SKA2: variants seen among roughly 807,000 people sequenced by gnomAD.
SKA2 encodes spindle and kinetochore-associated protein 2.
A neutral mutation model predicts 16.9 loss-of-function variants in SKA2; 13 were observed. The ratio of observed to expected loss-of-function variants is 0.77; its 90% CI spans 0.50 to 1.22. The LOEUF is 1.22. SKA2 is among the 50% of genes most tolerant of loss of function. The pLI, the probability that SKA2 is intolerant of heterozygous loss-of-function variation, is 0.00. For synonymous variants in SKA2, 47 were observed against 48.5 expected (o/e 0.97, Z 0.13); for missense variants, 107 against 139.7 (o/e 0.77, Z 1.18).
chr17:59,135,310 CTTTTTTTTTTT>C lies in SKA2; in HGVS notation c.34-3954_34-3944del, dbSNP rs71145527. Among the ~76,000 whole-genome samples the C allele has an allele frequency of 6.8e-4, 86 of 126,126 alleles. 1 individual carries two copies. Among genetic ancestry groups the C allele is most frequent in the Admixed American group, 8.6e-4 (10 of 11,664 alleles). 82.7% of individuals were successfully genotyped at this position (126,126 alleles called of 152,430 possible). A position where few individuals can be genotyped will look rare whatever the true frequency, so the allele number is the denominator to read the frequency against. ...GGTATGATGAAATCAACTAAACTGTCTTTTTTTTTTTTTTTTTTTTTTTTTAGAAGGAGTCT... is the reference window on the plus strand; with the variant it reads ...GGTATGATGAAATCAACTAAACTGTCTTTTTTTTTTTTTTAGAAGGAGTCT... On this transcript the variant is annotated intron_variant, in intron 1 of 3. Transcript: ENST00000330137.
chr17:59,112,461 T>A, intron 3 of SKA2, 116 bp from the exon 4 acceptor site: 1 of 698,778 alleles, frequency 1.4e-6, no homozygotes, highest in Non-Finnish European at 2.3e-6. Flanking sequence ...ACTATGTATG[T>A]AATCACAGAT....
At position 59,110,772 on chromosome 17, in the gene SKA2, G is replaced by C. The variant is rs966496578; in HGVS notation, c.*1505C>G. On this transcript the variant is annotated 3_prime_UTR_variant, in exon 4 of 4. Coordinates refer to ENST00000330137, the MANE Select transcript of SKA2 (RefSeq NM_182620.4). ...CCACTGCATTCCAGCCTGGGCAACA[G>C]AGTGAGACTCCGTCTCAAAAAAAAA... 2 of 125,028 alleles carry C rather than the reference G, an allele frequency of 1.6e-5. No individual in the cohort carries two copies. The highest frequency in any genetic ancestry group is 3.0e-5 in the African/African-American group (1 of 33,000). 7.7% of individuals were successfully genotyped at this position (125,028 alleles called of 1,614,324 possible).
intron 2 of SKA2, among the ~76,000 whole-genome samples, chr17:59,119,758 G>T (rs374475737): frequency 4.6e-5 from 7 of 151,986 alleles, no homozygotes; most frequent in East Asian, 1.9e-4. Context: ...GCAAATAAGG[G>T]TCACCTTAGA....
intron 2 of SKA2, among the ~76,000 whole-genome samples, chr17:59,122,242 G>A (rs932738816): frequency 3.9e-5 from 6 of 152,166 alleles, no homozygotes; most frequent in African/African-American, 7.2e-5. Flanking sequence ...GGGATGCCAA[G>A]GCGGGAGGAT....
chr17:59,125,748 A>G (rs1412947625), intron 2 of SKA2, among the ~76,000 whole-genome samples: 1 of 151,918 alleles, frequency 6.6e-6, no homozygotes, highest in African/African-American at 2.4e-5. Flanking sequence ...AGTGCTGGTG[A>G]TGGGAGAAAA....
rs552149755 is a variant in SKA2 at position 59,132,025 on chromosome 17, T to C, written c.34-658A>G. On this transcript the variant is annotated intron_variant, in intron 1 of 3. Coordinates refer to ENST00000330137, the MANE Select transcript of SKA2 (RefSeq NM_182620.4). ...TACCACCCTGAGGCCATTATGGATATAGGATGCCTGAATTAAAGTGAAAAG... is the reference window on the plus strand; with the variant it reads ...TACCACCCTGAGGCCATTATGGATACAGGATGCCTGAATTAAAGTGAAAAG... Among the ~76,000 whole-genome samples, 127 of 152,266 alleles carry C rather than the reference T, an allele frequency of 8.3e-4. 1 individual carries two copies. Among genetic ancestry groups the C allele is most frequent in the African/African-American group, 3.0e-3 (126 of 41,542 alleles).
At chr17:59,113,327 G>A (rs932866249) in intron 3 of SKA2, among the ~76,000 whole-genome samples, 6 of 151,680 alleles carry the variant, frequency 4.0e-5, no homozygotes, top group Admixed American at 3.3e-4. Context: ...TTTGAGACCA[G>A]CCTGACCAAC....
At chr17:59,148,635 C>G (rs1186268975) in intron 1 of SKA2, among the ~76,000 whole-genome samples, 1 of 151,204 alleles carries the variant, frequency 6.6e-6, no homozygotes, top group Non-Finnish European at 1.5e-5. Context: ...GTTGCCCAGA[C>G]TAGTACAAAA....
chr17:59,113,275 G>A (rs9893506), intron 3 of SKA2, among the ~76,000 whole-genome samples: 45,606 of 151,372 alleles, frequency 0.3, 7,683 homozygotes, highest in Middle Eastern at 0.47. Flanking sequence ...TAATCCCAGC[G>A]CTTCGGGAGG....
Position 59,131,377 on chromosome 17 carries a change from A to G in SKA2, c.34-10T>C, listed in dbSNP as rs2061688079. The G allele has an allele frequency of 3.9e-6, 6 of 1,537,642 alleles. No homozygotes were observed. In the East Asian group the frequency reaches 1.4e-4, roughly 36 times the overall value. ...ACTCAGCTTTCTGGAACTAAAGATC[A>G]GCACAAATCATTATTGTGTAAACCA... On this transcript the variant is annotated splice_polypyrimidine_tract_variant and intron_variant, in intron 1 of 3. Transcript: ENST00000330137.
At chr17:59,126,184 G>GAATAAATAAATA (rs56288903) in intron 2 of SKA2, among the ~76,000 whole-genome samples, 47 of 149,538 alleles carry the variant, frequency 3.1e-4, no homozygotes, top group East Asian at 7.8e-4. Context: ...ATAAATAAAT[G>GAATAAATAAATA]AATAAATAAA....
intron 3 of SKA2, among the ~76,000 whole-genome samples, chr17:59,115,043 C>T (rs939880126): frequency 1.4e-5 from 2 of 147,366 alleles, no homozygotes; most frequent in Non-Finnish European, 1.5e-5. Flanking sequence ...TTCTTTTTTT[C>T]GTTCTTTCTT....
At chr17:59,142,348 T>C (rs2046497193) in intron 1 of SKA2, among the ~76,000 whole-genome samples, 3 of 149,030 alleles carry the variant, frequency 2.0e-5, no homozygotes, top group Non-Finnish European at 4.4e-5. Context: ...TGGAGTGCAA[T>C]GATGTGATCT....
At chr17:59,154,000 G>C (rs1458638797) in intron 1 of SKA2, among the ~76,000 whole-genome samples, 1 of 151,556 alleles carries the variant, frequency 6.6e-6, no homozygotes, top group Non-Finnish European at 1.5e-5. Flanking sequence ...TCAATGTCTT[G>C]ACCTCTTGAT....
chr17:59,119,319 C>G lies in SKA2; in HGVS notation c.297G>C (p.Glu99Asp). Residue 99 changes from glutamate to aspartate, a missense_variant and splice_region_variant, in exon 3 of 4, where the codon GAG (glutamate) becomes GAC (aspartate). Transcript: ENST00000330137. Reference protein sequence around the residue: ...IQKLQKQTDLELSPLTKEEKT... With the variant: ...IQKLQKQTDLDLSPLTKEEKT... ...CTAACCTGTCAACTGAAAGCATTAC[C>G]TCCAGGTCTGTTTGCTTCTGTAGTT... 1 of 1,613,710 alleles carries G rather than the reference C, an allele frequency of 6.2e-7. No individual in the cohort carries two copies. Among genetic ancestry groups the G allele is most frequent in the Non-Finnish European group, 8.5e-7 (1 of 1,179,744 alleles).
At chr17:59,137,348 G>GT (rs926397414) in intron 1 of SKA2, among the ~76,000 whole-genome samples, 1 of 152,062 alleles carries the variant, frequency 6.6e-6, no homozygotes. Flanking sequence ...TAAAATTAAA[G>GT]TTTTTTTATG....
At chr17:59,122,696 G>A (rs1304711525) in intron 2 of SKA2, among the ~76,000 whole-genome samples, 1 of 152,180 alleles carries the variant, frequency 6.6e-6, no homozygotes, top group Non-Finnish European at 1.5e-5. Flanking sequence ...CGGCTAAGCA[G>A]GGAGGATCAC....
At chr17:59,149,118 A>G (rs536352712) in intron 1 of SKA2, among the ~76,000 whole-genome samples, 6 of 152,340 alleles carry the variant, frequency 3.9e-5, no homozygotes, top group African/African-American at 4.8e-5. Flanking sequence ...GCAGTTGCTT[A>G]TAAGATCAAG....
chr17:59,133,224 A>G (rs2046422757), intron 1 of SKA2, among the ~76,000 whole-genome samples: 1 of 152,220 alleles, frequency 6.6e-6, no homozygotes, highest in Non-Finnish European at 1.5e-5. Context: ...AGCCTCCCGA[A>G]GTGCTGGAAT....
Sources: allele counts gnomAD v4.1 joint callset (sites outside exome capture counted in the v4.1 genomes callset), GRCh38; gene constraint gnomAD v4.1.1; transcripts MANE v1.5; gene names NCBI Gene and HGNC (gene_info 2026-07-23, HGNC 2026-07-21).